The following NIPAL2 variants were observed in gnomAD, a reference collection of about 807,000 sequenced individuals.
NIPAL2 encodes the protein NIPA like domain containing 2, also known as NIPA-like protein 2.
NIPAL2 carries 43 observed loss-of-function variants against 48.9 expected under a neutral mutation model. That is an observed-to-expected ratio of 0.88 (90% CI 0.69 to 1.13). The LOEUF (loss-of-function observed/expected upper bound fraction) is 1.13, where lower values mean the gene tolerates loss of function less well. NIPAL2 is among the 50% of genes most tolerant of loss of function. The pLI is 0.00. For synonymous variants in NIPAL2, 167 were observed against 174.6 expected, an observed-to-expected ratio of 0.96 and a Z score of 0.34; for missense variants, 446 against 461.4, an observed-to-expected ratio of 0.97 and a Z score of 0.31.
chr8:98,275,087 A>G lies in NIPAL2; in HGVS notation c.135+18916T>C, dbSNP rs73698769. ...CCCTCCCTAAATGTTAACATCTTAC[A>G]CAACTACAGTAAAATATCAAAACCA... is the stretch of plus-strand genomic sequence containing the variant. On this transcript the variant is annotated intron_variant, in intron 1 of 10. Coordinates refer to ENST00000430223, the MANE Select transcript of NIPAL2 (RefSeq NM_001321635.2). Among the ~76,000 whole-genome samples, 1,079 of 152,244 alleles carry G rather than the reference A, an allele frequency of 7.1e-3. 13 individuals are homozygous for G. The highest frequency in any genetic ancestry group is 0.024 in the African/African-American group (1,009 of 41,560).
chr8:98,205,250 A>T lies in NIPAL2; in HGVS notation c.656-4T>A. On this transcript the variant is annotated splice_region_variant and splice_polypyrimidine_tract_variant and intron_variant, in intron 6 of 10. Coordinates refer to ENST00000430223, the MANE Select transcript of NIPAL2 (RefSeq NM_001321635.2). The stretch of plus-strand genomic sequence containing the variant: ...ACTGAAATAACAGTCAATGAGGCTG[A>T]AAAAGAAAACAAAAAACACAAATAA... 6.2e-7 allele frequency: 1 copy of T among 1,600,234 alleles called. No individual in the cohort carries two copies. The highest frequency in any genetic ancestry group is 8.5e-7 in the Non-Finnish European group (1 of 1,176,350).
At chr8:98,262,976 A>G (rs1403205581) in intron 1 of NIPAL2, among the ~76,000 whole-genome samples, 1 of 148,598 alleles carries the variant, frequency 6.7e-6, no homozygotes, top group East Asian at 2.0e-4. Context: ...TAAGAATCTC[A>G]CTCAAAACCG....
intron 4 of NIPAL2, among the ~76,000 whole-genome samples, chr8:98,223,513 C>T (rs1337286443): frequency 6.6e-6 from 1 of 152,210 alleles, no homozygotes; most frequent in Non-Finnish European, 1.5e-5. Flanking sequence ...CTTGCTTCAT[C>T]TCTGAGGTCA....
At chr8:98,276,206 A>T (rs184692246) in intron 1 of NIPAL2, among the ~76,000 whole-genome samples, 43 of 152,290 alleles carry the variant, frequency 2.8e-4, no homozygotes, top group African/African-American at 9.9e-4. Context: ...TATCATACAG[A>T]ATAGTTTCAC....
Position 98,285,131 on chromosome 8 carries a change from G to A in NIPAL2, c.135+8872C>T, listed in dbSNP as rs1322289885. On this transcript the variant is annotated intron_variant, in intron 1 of 10. Coordinates refer to ENST00000430223, the MANE Select transcript of NIPAL2 (RefSeq NM_001321635.2). The stretch of plus-strand genomic sequence containing the variant: ...GTCCCACCAACAAAGACAAGGCAGA[G>A]TAAGTGGGTTATTCTGGGGAGCCGC... Among the ~76,000 whole-genome samples, 4 of 152,324 alleles carry A rather than the reference G, an allele frequency of 2.6e-5. No individual in the cohort carries two copies. In the South Asian group the frequency reaches 6.2e-4, roughly 24 times the overall value.
chr8:98,201,285 A>G (rs1384243482), intron 8 of NIPAL2, among the ~76,000 whole-genome samples: 1 of 152,194 alleles, frequency 6.6e-6, no homozygotes, highest in Non-Finnish European at 1.5e-5. Context: ...TATGACTCCC[A>G]AAAGGTCTTG....
intron 7 of NIPAL2, among the ~76,000 whole-genome samples, chr8:98,204,821 C>A (rs917826662): frequency 6.6e-6 from 1 of 151,582 alleles, no homozygotes; most frequent in Non-Finnish European, 1.5e-5. Flanking sequence ...ACCTGTGTAC[C>A]ACAGATATTA....
rs752313321 is a variant in NIPAL2 at position 98,236,206 on chromosome 8, T to C, written c.385A>G (p.Ile129Val). The change falls in exon 4 of 11, where the codon ATT becomes GTT. Residue 129 changes from isoleucine to valine, a missense_variant. Ile to Val is a conservative substitution (Grantham distance 29, BLOSUM62 3). Coordinates refer to ENST00000430223, the MANE Select transcript of NIPAL2 (RefSeq NM_001321635.2). ...LGCVSVTGSA[I>V]ISVTFLKDNL... The stretch of plus-strand genomic sequence containing the variant: ...TCTTTCAGAAATGTAACAGAAATAA[T>C]GGCACTACCTATAAAGAAAATGGCC... 1.2e-6 allele frequency: 2 copies of C among 1,602,384 alleles called. No individual in the cohort carries two copies. The highest frequency in any genetic ancestry group is 1.7e-5 in the Admixed American group (1 of 58,816).
chr8:98,292,919 AGTACCCTCATTTT>A (rs1816568093), intron 1 of NIPAL2, among the ~76,000 whole-genome samples: 1 of 152,188 alleles, frequency 6.6e-6, no homozygotes. Flanking sequence ...AGAGGCTCTG[AGTACCCTCATTTT>A]TCCTATTTTT....
At chr8:98,253,898 A>G (rs1388833859) in intron 2 of NIPAL2, 121 bp downstream of exon 2, 16 of 587,982 alleles carry the variant, frequency 2.7e-5, no homozygotes, top group Non-Finnish European at 4.7e-5. Flanking sequence ...CATAAAATAT[A>G]TATTTTTTAT....
chr8:98,252,662 A>G (rs760044757), intron 2 of NIPAL2, 28 bp from the exon 3 acceptor site: 1 of 1,592,772 alleles, frequency 6.3e-7, no homozygotes, highest in Admixed American at 1.8e-5. Flanking sequence ...GACAAATAAG[A>G]AAACATTCTG....
At chr8:98,221,565 C>A (rs1462916343) in intron 5 of NIPAL2, among the ~76,000 whole-genome samples, 1 of 151,892 alleles carries the variant, frequency 6.6e-6, no homozygotes, top group African/African-American at 2.4e-5. Context: ...AATTATTATA[C>A]TTTAAGTTCT....
At position 98,273,449 on chromosome 8, in the gene NIPAL2, T is replaced by G. The variant is rs375849559; in HGVS notation, c.136-19362A>C. Reference sequence around the variant, plus strand: ...GTTCTAAAATTAATTGTGGTGATAGTTGCATAACTTTGTGATATACTAAAA... The same window carrying G: ...GTTCTAAAATTAATTGTGGTGATAGGTGCATAACTTTGTGATATACTAAAA... On this transcript the variant is annotated intron_variant, in intron 1 of 10. Transcript: ENST00000430223. Among the ~76,000 whole-genome samples the G allele has an allele frequency of 9.9e-4, 151 of 152,224 alleles. 1 individual carries two copies. In the South Asian group the frequency reaches 0.03, roughly 30 times the overall value.
intron 10 of NIPAL2, 39 bp downstream of exon 10, chr8:98,194,689 A>C: frequency 8.8e-7 from 1 of 1,139,534 alleles, no homozygotes. Context: ...TTCATTTATA[A>C]GGATCAAATT....
In NIPAL2 at chr8:98,254,008, T is replaced by G. The variant is rs1467395103; in HGVS notation, c.204+11A>C. The G allele has an allele frequency of 6.3e-7, 1 of 1,593,092 alleles. No individual in the cohort carries two copies. The highest frequency in any genetic ancestry group is 8.6e-7 in the Non-Finnish European group (1 of 1,162,786). ...AATCTATAGTGTTAGAAAAATAAGC[T>G]TTTTTCTTACCTGAATATTTAGAGA... On this transcript the variant is annotated intron_variant, in intron 2 of 10. Coordinates refer to ENST00000430223, the MANE Select transcript of NIPAL2 (RefSeq NM_001321635.2).
intron 5 of NIPAL2, among the ~76,000 whole-genome samples, chr8:98,213,809 T>C (rs1811438318): frequency 6.6e-6 from 1 of 152,222 alleles, no homozygotes; most frequent in African/African-American, 2.4e-5. Flanking sequence ...CTCATTATCC[T>C]GTCACACCCC....
intron 4 of NIPAL2, among the ~76,000 whole-genome samples, chr8:98,223,119 G>A (rs1811989542): frequency 1.3e-5 from 2 of 152,196 alleles, no homozygotes; most frequent in Admixed American, 1.3e-4. Flanking sequence ...CTGGTAATGA[G>A]CATCTTTAAT....
chr8:98,201,205 G>C (rs1289840091), intron 8 of NIPAL2, among the ~76,000 whole-genome samples: 1 of 152,038 alleles, frequency 6.6e-6, no homozygotes, highest in East Asian at 1.9e-4. Context: ...CTTTCTCATG[G>C]AGGCAGAGAG....
At chr8:98,252,689 C>A in intron 2 of NIPAL2, 55 bp from the exon 3 acceptor site, 2 of 1,468,696 alleles carry the variant, frequency 1.4e-6, no homozygotes, top group Admixed American at 2.5e-5. Context: ...GAGGGGAATG[C>A]CACTTTTTTT....
Sources: gnomAD v4.1 joint callset for allele counts (sites outside exome capture counted in the v4.1 genomes callset) on GRCh38, gnomAD v4.1.1 for gene constraint, MANE v1.5 for transcripts, NCBI Gene and HGNC (gene_info 2026-07-23, HGNC 2026-07-21) for gene names.